The following WDPCP variants were observed in gnomAD, a reference collection of about 807,000 sequenced individuals.
The protein encoded by WDPCP is WD repeat-containing and planar cell polarity effector protein fritz homolog.
WDPCP carries 71 observed loss-of-function variants against 93.1 expected under a neutral mutation model. The ratio of observed to expected loss-of-function variants is 0.76; its 90% confidence interval spans 0.63 to 0.93. WDPCP has a LOEUF of 0.93. Among genes scored for constraint, WDPCP ranks in the 40% least tolerant of loss-of-function variants. The pLI, the probability that WDPCP is intolerant of heterozygous loss-of-function variation, is 0.00. For missense variants in WDPCP, 844 were observed against 887.4 expected, an observed-to-expected ratio of 0.95 and a Z score of 0.62; for synonymous variants, 315 against 315.0, an observed-to-expected ratio of 1.00 and a Z score of 0.00.
chr2:63,658,987 T>C (rs1474122107), intron 2 of WDPCP, among the ~76,000 whole-genome samples: 1 of 152,230 alleles, frequency 6.6e-6, no homozygotes, highest in Non-Finnish European at 1.5e-5. Context: ...ATCTGAGCTA[T>C]AGTTGTCATC....
chr2:63,362,029 T>C lies in WDPCP; in HGVS notation c.1748+16357A>G, dbSNP rs149266667. On this transcript the variant is annotated intron_variant, in intron 12 of 17. Transcript: ENST00000272321. ...ATGTGTAAGGATCAAATTAGGGTAA[T>C]TGGGATATCCATCACCTCATTTATC... Among the ~76,000 whole-genome samples the C allele has an allele frequency of 1.3e-3, 193 of 152,312 alleles. 1 individual carries two copies. The highest frequency in any genetic ancestry group is 6.8e-3 in the Middle Eastern group (2 of 294).
Position 63,341,408 on chromosome 2 carries a change from C to T in WDPCP, c.1749-28097G>A, listed in dbSNP as rs1427708777. On this transcript the variant is annotated intron_variant, in intron 12 of 17. Coordinates refer to ENST00000272321, the MANE Select transcript of WDPCP (RefSeq NM_015910.7). ...CCTCCCAAAGTGCTGGGATTACAGG[C>T]GTGAGCCACCACGCCCAGCCCCAGA... Among the ~76,000 whole-genome samples, 9 of 152,284 alleles carry T rather than the reference C, an allele frequency of 5.9e-5. No homozygotes were observed. In the South Asian group the frequency reaches 6.2e-4, roughly 11 times the overall value.
intron 14 of WDPCP, among the ~76,000 whole-genome samples, chr2:63,213,356 C>G (rs946547944): frequency 6.6e-6 from 1 of 152,214 alleles, no homozygotes; most frequent in Non-Finnish European, 1.5e-5. Context: ...AACTGAACAA[C>G]CTTCTCCTGA....
chr2:63,822,245 G>A (rs529781173), intron 1 of WDPCP, among the ~76,000 whole-genome samples: 1 of 151,906 alleles, frequency 6.6e-6, no homozygotes, highest in African/African-American at 2.4e-5. Flanking sequence ...AGCAATAGAC[G>A]GCCTGTTGTG....
intron 3 of WDPCP, among the ~76,000 whole-genome samples, chr2:63,641,155 C>CTAAAA (rs1033365238): frequency 2.0e-5 from 3 of 152,110 alleles, no homozygotes; most frequent in Non-Finnish European, 4.4e-5. Context: ...GGATTTCATT[C>CTAAAA]TTTTTATAGC....
chr2:63,379,230 G>A (rs1692104100), intron 11 of WDPCP, among the ~76,000 whole-genome samples: 1 of 152,114 alleles, frequency 6.6e-6, no homozygotes, highest in African/African-American at 2.4e-5. Flanking sequence ...TGGAAGTTAA[G>A]TAATTACCAT....
At chr2:63,481,657 T>G (rs896146561) in intron 6 of WDPCP, among the ~76,000 whole-genome samples, 1 of 151,984 alleles carries the variant, frequency 6.6e-6, no homozygotes, top group African/African-American at 2.4e-5. Context: ...AACCAGACAC[T>G]GTATATTCTC....
intron 1 of WDPCP, among the ~76,000 whole-genome samples, chr2:63,567,154 T>G (rs1707133576): frequency 6.6e-6 from 1 of 152,184 alleles, no homozygotes; most frequent in Non-Finnish European, 1.5e-5. Context: ...GTTTCATTAA[T>G]AGGCGTGAAT....
At chr2:63,686,609 A>G (rs1036806528) in intron 2 of WDPCP, among the ~76,000 whole-genome samples, 1 of 152,204 alleles carries the variant, frequency 6.6e-6, no homozygotes, top group African/African-American at 2.4e-5. Context: ...CAGAACCACA[A>G]AAGACCCAGA....
intron 6 of WDPCP, among the ~76,000 whole-genome samples, chr2:63,465,170 G>T (rs1699265589): frequency 6.6e-6 from 1 of 151,810 alleles, no homozygotes; most frequent in Non-Finnish European, 1.5e-5. Flanking sequence ...TAAAAAGCAG[G>T]TACCTGTGCC....
intron 2 of WDPCP, among the ~76,000 whole-genome samples, chr2:63,670,226 G>A (rs1334291205): frequency 2.6e-5 from 4 of 152,098 alleles, no homozygotes; most frequent in Non-Finnish European, 1.5e-5. Flanking sequence ...CTCTTTCAAG[G>A]TGCCAGGCTT....
At position 63,230,252 on chromosome 2, in the gene WDPCP, A is replaced by G. The variant is rs1315775712; in HGVS notation, c.1915+29055T>C. ...TTTCCAGCTTCATCCATGTCCCTAC[A>G]ATGGACATGAACTCATCCTTTTTTA... On this transcript the variant is annotated intron_variant, in intron 14 of 17. Transcript: ENST00000272321. Among the ~76,000 whole-genome samples the G allele has an allele frequency of 6.6e-5, 10 of 152,044 alleles. No individual in the cohort carries two copies. The East Asian group carries it at 1.9e-3, about 29-fold the overall frequency.
At chr2:63,751,928 C>T (rs1395734767) in intron 2 of WDPCP, 3 of 669,778 alleles carry the variant, frequency 4.5e-6, no homozygotes, top group Admixed American at 1.8e-5. Context: ...TCCCCACTGC[C>T]ACCATATCCA....
At chr2:63,740,393 G>T (rs532097153) in intron 2 of WDPCP, among the ~76,000 whole-genome samples, 29 of 152,082 alleles carry the variant, frequency 1.9e-4, no homozygotes, top group Non-Finnish European at 3.8e-4. Context: ...CTAGATTTAA[G>T]TTATCAGTGT....
intron 2 of WDPCP, among the ~76,000 whole-genome samples, chr2:63,784,206 G>A (rs1032134877): frequency 2.6e-5 from 4 of 152,112 alleles, no homozygotes. Context: ...GCAGGAAAAA[G>A]TCAAGGAAGG....
intron 1 of WDPCP, among the ~76,000 whole-genome samples, chr2:63,515,610 C>A (rs1314382708): frequency 6.6e-6 from 1 of 152,168 alleles, no homozygotes; most frequent in Non-Finnish European, 1.5e-5. Flanking sequence ...TTTGGAAAAT[C>A]GCCAAAACTT....
rs1048116802 is a variant in WDPCP at position 63,717,183 on chromosome 2, T to G, written n.309-66345A>C. The G allele has an allele frequency of 1.1e-5, 5 of 449,364 alleles. No individual in the cohort carries two copies. In the Admixed American group the frequency reaches 1.3e-4, roughly 12 times the overall value. 27.8% of individuals were successfully genotyped at this position (449,364 alleles called of 1,614,324 possible). A position where few individuals can be genotyped will look rare whatever the true frequency, so the allele number is the denominator to read the frequency against. ...AAATGAAGAATGCATCTTTTTGTAT[T>G]CTTGCTGTCCAGCATGCCAGTGCTT... is the stretch of plus-strand genomic sequence containing the variant. On this transcript the variant is annotated intron_variant and non_coding_transcript_variant, in intron 2 of 4. Coordinates refer to the WDPCP transcript ENST00000467687.
rs560530880 is a variant in WDPCP at position 63,484,690 on chromosome 2, C to T, written c.325-27G>A. ...TGAAGCACAACAGAAAAAGAGAGAG[C>T]GTAGTTGGCTGTACACATTGTCATT... is the stretch of plus-strand genomic sequence containing the variant. On this transcript the variant is annotated intron_variant, in intron 5 of 17. Transcript: ENST00000272321. 60 of 1,612,404 alleles carry T rather than the reference C, an allele frequency of 3.7e-5. 1 individual carries two copies. In the East Asian group the frequency reaches 1.0e-3, roughly 28 times the overall value.
chr2:63,192,954 G>T (rs972530236), intron 14 of WDPCP, among the ~76,000 whole-genome samples: 7 of 152,168 alleles, frequency 4.6e-5, no homozygotes, highest in African/African-American at 7.2e-5. Flanking sequence ...CTACTTAACA[G>T]AAACCATTAA....
Sources: gnomAD v4.1 joint callset for allele counts (sites outside exome capture counted in the v4.1 genomes callset) on GRCh38, gnomAD v4.1.1 for gene constraint, MANE v1.5 for transcripts, NCBI Gene and HGNC (gene_info 2026-07-23, HGNC 2026-07-21) for gene names.